Variants in GTF2H4 observed in about 807,000 individuals in gnomAD.
The protein encoded by GTF2H4 is general transcription factor IIH subunit 4, also known as BTF2 p52.
Under a neutral mutation model 62.2 loss-of-function variants are expected in GTF2H4, and 49 were observed. That is an observed-to-expected ratio of 0.79 (90% CI 0.63 to 1.00). The LOEUF is 1.00. GTF2H4 is among the 50% of genes least tolerant of loss of function. The pLI, the probability that GTF2H4 is intolerant of heterozygous loss-of-function variation, is 0.00. For synonymous variants in GTF2H4, 189 were observed against 233.8 expected (o/e 0.81, Z 1.75); for missense variants, 479 against 587.8 (o/e 0.81, Z 1.91).
chr6:30,912,578 T>A lies in GTF2H4; in HGVS notation c.1089+120T>A, dbSNP rs1032317855. ...TTATAATAGGTGGTGGTGAGTTGTC[T>A]GTGTTTGAAGAGAAATGAAGGCTTT... On this transcript the variant is annotated intron_variant, in intron 11 of 13. Coordinates refer to ENST00000259895, the MANE Select transcript of GTF2H4 (RefSeq NM_001517.5). The surrounding 1 kb of genome is among the most constrained non-coding windows in gnomAD (Gnocchi z 4.8). 3.1e-6 allele frequency: 4 copies of A among 1,307,554 alleles called. No homozygotes were observed. The allele number at this position is 1,307,554 out of a possible 1,614,324, so 81.0% of individuals were successfully genotyped here. A position where few individuals can be genotyped will look rare whatever the true frequency, so the allele number is the denominator to read the frequency against.
Position 30,911,450 on chromosome 6 carries a change from T to C in GTF2H4, c.692T>C (p.Val231Ala). Reference protein sequence around the residue: ...QTAQSRGMDLVEILSFLFQLS... With the variant: ...QTAQSRGMDLAEILSFLFQLS... ...CCCTAGAGCCGGGGCATGGACCTGG[T>C]AGAGATTCTCTCCTTCCTCTTCCAG... Residue 231 changes from valine to alanine, a missense_variant, in exon 8 of 14, where the codon GTA (valine) becomes GCA (alanine). Transcript: ENST00000259895. The surrounding 1 kb of genome is among the most constrained non-coding windows in gnomAD (Gnocchi z 4.3). 2 of 1,614,014 alleles carry C rather than the reference T, an allele frequency of 1.2e-6. No individual in the cohort carries two copies. The highest frequency in any genetic ancestry group is 1.7e-6 in the Non-Finnish European group (2 of 1,179,924).
chr6:30,909,324 A>C lies in GTF2H4; in HGVS notation c.138-111A>C. On this transcript the variant is annotated intron_variant, in intron 2 of 13. Coordinates refer to ENST00000259895, the MANE Select transcript of GTF2H4 (RefSeq NM_001517.5). The surrounding 1 kb of genome is among the most constrained non-coding windows in gnomAD (Gnocchi z 4.3). The stretch of plus-strand genomic sequence containing the variant: ...AAAGTGTGGAGGCCAAAACAGCAGG[A>C]CTGGTAAAGTTGTGCTGGAGTGAGA... 1 of 1,223,348 alleles carries C rather than the reference A, an allele frequency of 8.2e-7. No individual in the cohort carries two copies. Among genetic ancestry groups the C allele is most frequent in the Non-Finnish European group, 1.2e-6 (1 of 861,756 alleles). The allele number at this position is 1,223,348 out of a possible 1,614,324, so 75.8% of individuals were successfully genotyped here.
Position 30,911,103 on chromosome 6 carries a change from G to T in GTF2H4, c.561-55G>T. ...AAGAAAAAACGTGAGTGGACAAGTGGGGATAGTAGTCTTTCTCTGCATATC... is the reference window on the plus strand; with the variant it reads ...AAGAAAAAACGTGAGTGGACAAGTGTGGATAGTAGTCTTTCTCTGCATATC... On this transcript the variant is annotated intron_variant, in intron 6 of 13. Transcript: ENST00000259895. This position sits in a 1 kb window ranked among gnomAD's most constrained non-coding sequence, Gnocchi z 4.3. The T allele has an allele frequency of 7.0e-7, 1 of 1,436,794 alleles. No individual in the cohort carries two copies. 89.0% of individuals were successfully genotyped at this position (1,436,794 alleles called of 1,614,324 possible). A position where few individuals can be genotyped will look rare whatever the true frequency, so the allele number is the denominator to read the frequency against.
rs1793770167 is a variant in GTF2H4, at chr6:30,911,735, C to T, written c.793C>T (p.Leu265=). 6.2e-7 allele frequency: 1 copy of T among 1,612,970 alleles called. No homozygotes were observed. Among genetic ancestry groups the T allele is most frequent in the African/African-American group, 1.3e-5 (1 of 75,016 alleles). The change falls in exon 9 of 14, where the codon CTG becomes TTG. Residue 265 remains leucine (L), a synonymous_variant. Transcript: ENST00000259895. The surrounding 1 kb of genome is among the most constrained non-coding windows in gnomAD (Gnocchi z 4.3). ...SDSLLNFLQH[L]REFGLVFQRK... is the part of the protein sequence containing the mutation. Reference sequence around the variant, plus strand: ...TTCTCTGTTGAACTTCCTGCAACATCTGCGTGAGTTTGGGCTTGTTTTCCA... The same window carrying T: ...TTCTCTGTTGAACTTCCTGCAACATTTGCGTGAGTTTGGGCTTGTTTTCCA...
At position 30,911,859 on chromosome 6, in the gene GTF2H4, C is replaced by T. The variant is rs886420; in HGVS notation, c.825+92C>T. ...AAGGAGTGGGGTCTTGGGGCAGTAG[C>T]AGGAAGCAGTTGCCAGAACTGAATA... On this transcript the variant is annotated intron_variant, in intron 9 of 13. Coordinates refer to ENST00000259895, the MANE Select transcript of GTF2H4 (RefSeq NM_001517.5). This position sits in a 1 kb window ranked among gnomAD's most constrained non-coding sequence, Gnocchi z 4.3. The T allele has an allele frequency of 0.1, 145,872 of 1,402,132 alleles. 10,279 individuals are homozygous for T. Among genetic ancestry groups the T allele is most frequent in the Non-Finnish European group, 0.13 (132,064 of 995,516 alleles). 86.9% of individuals were successfully genotyped at this position (1,402,132 alleles called of 1,614,324 possible). A position where few individuals can be genotyped will look rare whatever the true frequency, so the allele number is the denominator to read the frequency against.
In GTF2H4 at chr6:30,910,608, G is replaced by T; in HGVS notation, c.375-57G>T. ...GGCCTCCCAAAGTACAGGGATTACA[G>T]GTGTGAGCCACTGCGCCTGGCCAGG... On this transcript the variant is annotated intron_variant, in intron 4 of 13. Transcript: ENST00000259895. The surrounding 1 kb of genome is among the most constrained non-coding windows in gnomAD (Gnocchi z 4.7). The T allele has an allele frequency of 8.1e-7, 1 of 1,236,770 alleles. No homozygotes were observed. The highest frequency in any genetic ancestry group is 1.2e-6 in the Non-Finnish European group (1 of 839,356). The allele number at this position is 1,236,770 out of a possible 1,614,324, so 76.6% of individuals were successfully genotyped here.
chr6:30,909,376 C>A lies in GTF2H4; in HGVS notation c.138-59C>A. 3 of 1,262,292 alleles carry A rather than the reference C, an allele frequency of 2.4e-6. No homozygotes were observed. The highest frequency in any genetic ancestry group is 3.5e-6 in the Non-Finnish European group (3 of 866,612). 78.2% of individuals were successfully genotyped at this position (1,262,292 alleles called of 1,614,324 possible). A position where few individuals can be genotyped will look rare whatever the true frequency, so the allele number is the denominator to read the frequency against. On this transcript the variant is annotated intron_variant, in intron 2 of 13. Transcript: ENST00000259895. The surrounding 1 kb of genome is among the most constrained non-coding windows in gnomAD (Gnocchi z 4.3). The stretch of plus-strand genomic sequence containing the variant: ...GAGATGTTTGAGAGGTAATTGAGGG[C>A]AGAGATGCAGATACAATGCAGCTTC...
In GTF2H4 at chr6:30,912,054, A is replaced by G. The variant is rs746084345; in HGVS notation, c.866A>G (p.Asn289Ser). 10 of 1,612,936 alleles carry G rather than the reference A, an allele frequency of 6.2e-6. No homozygotes were observed. The highest frequency in any genetic ancestry group is 2.7e-5 in the African/African-American group (2 of 75,022). ...RRYYPTRLAINLSSGVSGAGG... is the reference protein window; with the variant it reads ...RRYYPTRLAISLSSGVSGAGG... ...TACTACCCCACACGCCTGGCCATCAATCTCTCATCAGGTGTCTCTGGAGCT... is the reference window on the plus strand; with the variant it reads ...TACTACCCCACACGCCTGGCCATCAGTCTCTCATCAGGTGTCTCTGGAGCT... The change falls in exon 10 of 14, where the codon AAT becomes AGT. Residue 289 changes from asparagine to serine, a missense_variant. Coordinates refer to ENST00000259895, the MANE Select transcript of GTF2H4 (RefSeq NM_001517.5). This position sits in a 1 kb window ranked among gnomAD's most constrained non-coding sequence, Gnocchi z 4.8.
Position 30,910,761 on chromosome 6 carries a change from G to A in GTF2H4, c.471G>A (p.Glu157=). Residue 157 remains glutamate, a splice_region_variant and synonymous_variant, in exon 5 of 14, where the codon GAG becomes GAA. Coordinates refer to ENST00000259895, the MANE Select transcript of GTF2H4 (RefSeq NM_001517.5). The surrounding 1 kb of genome is among the most constrained non-coding windows in gnomAD (Gnocchi z 4.7). ...ACAAGTACGCCGAGGAGCGATGGGA[G>A]GTAAGCACTTGGGAGTGTGTGTGTC... is the stretch of plus-strand genomic sequence containing the variant. ...SLDKYAEERW[E]VVLHFMVGSP... 9.3e-6 allele frequency: 15 copies of A among 1,611,392 alleles called. No homozygotes were observed. Among genetic ancestry groups the A allele is most frequent in the Non-Finnish European group, 1.3e-5 (15 of 1,178,600 alleles).
In GTF2H4 at chr6:30,913,282, C is replaced by T. The variant is rs759720120; in HGVS notation, c.1138-27C>T. 7 of 1,613,476 alleles carry T rather than the reference C, an allele frequency of 4.3e-6. No individual in the cohort carries two copies. In the African/African-American group the frequency reaches 8.0e-5, roughly 18 times the overall value. On this transcript the variant is annotated intron_variant, in intron 12 of 13. Transcript: ENST00000259895. This position sits in a 1 kb window ranked among gnomAD's most constrained non-coding sequence, Gnocchi z 4.2. ...GTTGTCTGGGGCAGTATTCTGAGTC[C>T]CTACAGTCAACCCTTGCTCCTTGCA... is the stretch of plus-strand genomic sequence containing the variant.
chr6:30,912,404 G>A lies in GTF2H4; in HGVS notation c.1035G>A (p.Gln345=). The A allele has an allele frequency of 6.2e-7, 1 of 1,612,994 alleles. No individual in the cohort carries two copies. The highest frequency in any genetic ancestry group is 8.5e-7 in the Non-Finnish European group (1 of 1,180,034). The change falls in exon 11 of 14, where the codon CAG becomes CAA. Residue 345 remains glutamine (Q), a synonymous_variant. Coordinates refer to ENST00000259895, the MANE Select transcript of GTF2H4 (RefSeq NM_001517.5). This position sits in a 1 kb window ranked among gnomAD's most constrained non-coding sequence, Gnocchi z 4.8. Reference sequence around the variant, plus strand: ...GGTTCCCCAACATGGTGGTGGCGCAGGTGACCCGGGAGAGTGTGCAGCAGG... The same window carrying A: ...GGTTCCCCAACATGGTGGTGGCGCAAGTGACCCGGGAGAGTGTGCAGCAGG... ...LYRFPNMVVA[Q]VTRESVQQAI... is the part of the protein sequence containing the mutation.
chr6:30,913,845 C>T lies in GTF2H4; in HGVS notation c.1251C>T (p.Asp417=), dbSNP rs978684286. 20 of 1,604,884 alleles carry T rather than the reference C, an allele frequency of 1.2e-5. No individual in the cohort carries two copies. The highest frequency in any genetic ancestry group is 1.6e-5 in the Non-Finnish European group (19 of 1,175,628). Residue 417 remains aspartate (D), a synonymous_variant, in exon 14 of 14, where the codon GAC becomes GAT. Coordinates refer to ENST00000259895, the MANE Select transcript of GTF2H4 (RefSeq NM_001517.5). The surrounding 1 kb of genome is among the most constrained non-coding windows in gnomAD (Gnocchi z 4.2). The part of the protein sequence containing the change: ...VLYNQFLSQV[D]FELLLAHARE... ...ATAACCAGTTCCTGTCGCAAGTGGA[C>T]TTTGAGCTGCTGCTGGCCCACGCGC... is the stretch of plus-strand genomic sequence containing the variant.
Position 30,911,849 on chromosome 6 carries a change from G to T in GTF2H4, c.825+82G>T. ...TGCCTTTAAAAAGGAGTGGGGTCTT[G>T]GGGCAGTAGCAGGAAGCAGTTGCCA... On this transcript the variant is annotated intron_variant, in intron 9 of 13. Transcript: ENST00000259895. The surrounding 1 kb of genome is among the most constrained non-coding windows in gnomAD (Gnocchi z 4.3). 7.0e-7 allele frequency: 1 copy of T among 1,433,502 alleles called. No homozygotes were observed. The highest frequency in any genetic ancestry group is 9.8e-7 in the Non-Finnish European group (1 of 1,021,352). The allele number at this position is 1,433,502 out of a possible 1,614,324, so 88.8% of individuals were successfully genotyped here.
chr6:30,911,392 C>T lies in GTF2H4; in HGVS notation c.673-39C>T, dbSNP rs570739431. The T allele has an allele frequency of 1.1e-5, 17 of 1,579,478 alleles. No individual in the cohort carries two copies. In the South Asian group the frequency reaches 1.3e-4, roughly 12 times the overall value. ...GTCCCTTTCTTCCCATTGTCTCCCTCCCATCCCTCCTCCTTTGTCTCTGCC... is the reference window on the plus strand; with the variant it reads ...GTCCCTTTCTTCCCATTGTCTCCCTTCCATCCCTCCTCCTTTGTCTCTGCC... On this transcript the variant is annotated intron_variant, in intron 7 of 13. Transcript: ENST00000259895. The surrounding 1 kb of genome is among the most constrained non-coding windows in gnomAD (Gnocchi z 4.3).
In GTF2H4 at chr6:30,910,486, C is replaced by A. The variant is rs190234614; in HGVS notation, c.375-179C>A. 1.4e-4 allele frequency: 88 copies of A among 640,252 alleles called. No individual in the cohort carries two copies. The highest frequency in any genetic ancestry group is 1.2e-3 in the Middle Eastern group (3 of 2,420). The allele number at this position is 640,252 out of a possible 1,614,324, so 39.7% of individuals were successfully genotyped here. A position where few individuals can be genotyped will look rare whatever the true frequency, so the allele number is the denominator to read the frequency against. On this transcript the variant is annotated intron_variant, in intron 4 of 13. Transcript: ENST00000259895. This position sits in a 1 kb window ranked among gnomAD's most constrained non-coding sequence, Gnocchi z 4.7. ...CTGGGATTACAGGCACCCACCACGA[C>A]GCCAGGCTAATTTTTTGTATTTTTA... is the stretch of plus-strand genomic sequence containing the variant.
In GTF2H4 at chr6:30,909,110, G is replaced by A; in HGVS notation, c.74G>A (p.Gly25Asp). 4.3e-6 allele frequency: 7 copies of A among 1,614,126 alleles called. No individual in the cohort carries two copies. Among genetic ancestry groups the A allele is most frequent in the Non-Finnish European group, 5.9e-6 (7 of 1,180,000 alleles). Residue 25 changes from glycine (G) to aspartate (D), a missense_variant, in exon 2 of 14, where the codon GGC becomes GAC. Coordinates refer to ENST00000259895, the MANE Select transcript of GTF2H4 (RefSeq NM_001517.5). This position sits in a 1 kb window ranked among gnomAD's most constrained non-coding sequence, Gnocchi z 4.3. ...QCRNLQEFLG[G>D]LSPGVLDRLY... is the part of the protein sequence containing the mutation. The stretch of plus-strand genomic sequence containing the variant: ...AGGAATCTGCAGGAATTCTTAGGGG[G>A]CCTGAGCCCTGGGGTATTGGACCGA...
In GTF2H4 at chr6:30,913,525, G is replaced by A. The variant is rs1023874246; in HGVS notation, c.1216+138G>A. On this transcript the variant is annotated intron_variant, in intron 13 of 13. Transcript: ENST00000259895. The surrounding 1 kb of genome is among the most constrained non-coding windows in gnomAD (Gnocchi z 4.2). ...GTTTTTTGTTGTTTTGGGGTGAGTCGGTAGTAAACAAATCGTCCCAAATCA... is the reference window on the plus strand; with the variant it reads ...GTTTTTTGTTGTTTTGGGGTGAGTCAGTAGTAAACAAATCGTCCCAAATCA... 1.1e-5 allele frequency: 11 copies of A among 964,072 alleles called. No individual in the cohort carries two copies. The highest frequency in any genetic ancestry group is 1.5e-5 in the Non-Finnish European group (10 of 650,354). The allele number at this position is 964,072 out of a possible 1,614,324, so 59.7% of individuals were successfully genotyped here.
chr6:30,909,380 G>T lies in GTF2H4; in HGVS notation c.138-55G>T. On this transcript the variant is annotated intron_variant, in intron 2 of 13. Coordinates refer to ENST00000259895, the MANE Select transcript of GTF2H4 (RefSeq NM_001517.5). The surrounding 1 kb of genome is among the most constrained non-coding windows in gnomAD (Gnocchi z 4.3). ...TGTTTGAGAGGTAATTGAGGGCAGA[G>T]ATGCAGATACAATGCAGCTTCTGAT... 1 of 1,290,306 alleles carries T rather than the reference G, an allele frequency of 7.8e-7. No homozygotes were observed. Among genetic ancestry groups the T allele is most frequent in the Non-Finnish European group, 1.1e-6 (1 of 890,400 alleles). The allele number at this position is 1,290,306 out of a possible 1,614,324, so 79.9% of individuals were successfully genotyped here.
Position 30,911,912 on chromosome 6 carries a change from G to A in GTF2H4, c.826-102G>A. On this transcript the variant is annotated intron_variant, in intron 9 of 13. Transcript: ENST00000259895. This position sits in a 1 kb window ranked among gnomAD's most constrained non-coding sequence, Gnocchi z 4.3. ...TGGGTCTCTCGGGGGAGAGAAGTTG[G>A]GGGTTGAGGTTCTGCATCTTGGGAG... The A allele has an allele frequency of 2.0e-6, 3 of 1,477,720 alleles. No homozygotes were observed. Among genetic ancestry groups the A allele is most frequent in the Non-Finnish European group, 2.8e-6 (3 of 1,074,858 alleles). 91.5% of individuals were successfully genotyped at this position (1,477,720 alleles called of 1,614,324 possible). A position where few individuals can be genotyped will look rare whatever the true frequency, so the allele number is the denominator to read the frequency against.
Sources: allele counts gnomAD v4.1 joint callset, GRCh38; gene constraint gnomAD v4.1.1; non-coding constraint Gnocchi (gnomAD v3.1); transcripts MANE v1.5; gene names NCBI Gene and HGNC (gene_info 2026-07-23, HGNC 2026-07-21).